The following RPH3A variants were observed in gnomAD, a reference collection of about 807,000 sequenced individuals.
RPH3A encodes rabphilin-3A.
Under a neutral mutation model 102.2 loss-of-function variants are expected in RPH3A, and 48 were observed. That is an observed-to-expected ratio of 0.47 (90% CI 0.37 to 0.60). RPH3A has a LOEUF of 0.60. Ranked by LOEUF, RPH3A falls within the 20% of genes least tolerant of loss-of-function variation. The pLI is 0.00. For missense variants in RPH3A, 781 were observed against 910.1 expected (o/e 0.86, Z 1.83); for synonymous variants, 310 against 324.3 (o/e 0.96, Z 0.47).
intron 2 of RPH3A, among the ~76,000 whole-genome samples, chr12:112,809,402 C>T (rs1382379710): frequency 6.6e-6 from 1 of 152,050 alleles, no homozygotes; most frequent in Admixed American, 6.6e-5. Flanking sequence ...ATTGCAGGCT[C>T]CTCTGTGTGG....
At chr12:112,609,325 C>T (rs996669600) in intron 1 of RPH3A, among the ~76,000 whole-genome samples, 2 of 152,194 alleles carry the variant, frequency 1.3e-5, no homozygotes, top group Admixed American at 6.5e-5. Flanking sequence ...ATCTTAGCCT[C>T]CTCAGTAGCT....
chr12:112,745,548 C>T (rs563489361), intron 1 of RPH3A, among the ~76,000 whole-genome samples: 2 of 152,150 alleles, frequency 1.3e-5, no homozygotes, highest in African/African-American at 4.8e-5. Flanking sequence ...GACATGGACT[C>T]ATGGAGCCAT....
chr12:112,715,058 C>T (rs906300275), intron 1 of RPH3A, among the ~76,000 whole-genome samples: 2 of 152,162 alleles, frequency 1.3e-5, no homozygotes, highest in Admixed American at 6.5e-5. Context: ...CAATTCTTAG[C>T]GTTTGTACTA....
intron 5 of RPH3A, among the ~76,000 whole-genome samples, chr12:112,857,373 A>G (rs781548318): frequency 2.0e-4 from 31 of 152,318 alleles, no homozygotes; most frequent in Middle Eastern, 3.4e-3. Context: ...GGGTCTTTGC[A>G]GCTGTGATAG....
intron 2 of RPH3A, among the ~76,000 whole-genome samples, chr12:112,797,732 C>G (rs949721270): frequency 2.6e-5 from 4 of 151,926 alleles, no homozygotes; most frequent in African/African-American, 7.3e-5. Flanking sequence ...CTCTGTCACC[C>G]AGGCTGGAGT....
At chr12:112,884,554 A>G (rs564065823) in intron 16 of RPH3A, among the ~76,000 whole-genome samples, 23 of 152,260 alleles carry the variant, frequency 1.5e-4, no homozygotes, top group African/African-American at 5.3e-4. Context: ...GCTTTTTTCT[A>G]TTACAAACAA....
intron 1 of RPH3A, among the ~76,000 whole-genome samples, chr12:112,751,816 A>G (rs1230194424): frequency 1.3e-5 from 2 of 152,214 alleles, no homozygotes; most frequent in Non-Finnish European, 2.9e-5. Flanking sequence ...CACTCTTTAA[A>G]TTGGCAAAAA....
intron 19 of RPH3A, among the ~76,000 whole-genome samples, chr12:112,892,598 C>T (rs976372700): frequency 2.6e-5 from 4 of 152,162 alleles, no homozygotes; most frequent in African/African-American, 7.2e-5. Context: ...TTGTGGGAAG[C>T]GTGGCTTCAG....
intron 2 of RPH3A, among the ~76,000 whole-genome samples, chr12:112,805,881 C>A (rs565320211): frequency 4.6e-5 from 7 of 152,146 alleles, no homozygotes; most frequent in African/African-American, 9.7e-5. Flanking sequence ...CCAAATATAA[C>A]CTACAATGTT....
chr12:112,882,116 C>T (rs892166164), intron 15 of RPH3A, among the ~76,000 whole-genome samples: 1 of 152,190 alleles, frequency 6.6e-6, no homozygotes, highest in Admixed American at 6.5e-5. Flanking sequence ...CCTGATGATG[C>T]CCTTCATCTG....
chr12:112,817,141 T>C (rs563872417), intron 2 of RPH3A, among the ~76,000 whole-genome samples: 130 of 152,304 alleles, frequency 8.5e-4, no homozygotes, highest in African/African-American at 3.0e-3. Flanking sequence ...TCTTAGTCTC[T>C]GGATCTTCAA....
chr12:112,590,332 G>A (rs996862299), intron 1 of RPH3A, among the ~76,000 whole-genome samples: 3 of 152,130 alleles, frequency 2.0e-5, no homozygotes, highest in South Asian at 2.1e-4. Context: ...CACCAGCCTC[G>A]GAGACCACCC....
rs1566255170 is a variant in RPH3A, at chr12:112,678,283, A to AGAGAGAG, written c.-140+102964_-140+102965insGAGAGAG. 1.3e-4 allele frequency among the ~76,000 whole-genome samples: 6 copies of AGAGAGAG among 46,886 alleles called. 1 individual carries two copies. Among genetic ancestry groups the AGAGAGAG allele is most frequent in the African/African-American group, 8.2e-4 (6 of 7,302 alleles). The allele number at this position is 46,886 out of a possible 152,430, so 30.8% of individuals were successfully genotyped here. On this transcript the variant is annotated intron_variant, in intron 1 of 21. Coordinates refer to the RPH3A transcript ENST00000543106. ...AAAGAAAGAAAGAAAGAAAGAAAGA[A>AGAGAGAG]AGAAAGAAAGAAAGAAAGAAAGAGA...
At chr12:112,678,557 T>C (rs935896931) in intron 1 of RPH3A, among the ~76,000 whole-genome samples, 8 of 152,156 alleles carry the variant, frequency 5.3e-5, no homozygotes, top group Non-Finnish European at 2.9e-5. Context: ...GAGGGTTTTC[T>C]ATCAGGAAAA....
intron 1 of RPH3A, among the ~76,000 whole-genome samples, chr12:112,656,952 G>T (rs866467028): frequency 6.6e-6 from 1 of 151,886 alleles, no homozygotes; most frequent in Admixed American, 6.6e-5. Flanking sequence ...TTTATTTTTT[G>T]GGGGTAGATA....
chr12:112,751,196 GC>G (rs1188727720), intron 1 of RPH3A, among the ~76,000 whole-genome samples: 5 of 152,196 alleles, frequency 3.3e-5, no homozygotes, highest in African/African-American at 1.2e-4. Flanking sequence ...ACACACACAT[GC>G]TCAGCTTGGG....
chr12:112,890,681 C>A (rs1047534955), intron 18 of RPH3A, among the ~76,000 whole-genome samples, 168 bp from the exon 19 acceptor site: 1 of 152,340 alleles, frequency 6.6e-6, no homozygotes, highest in African/African-American at 2.4e-5. Flanking sequence ...CCTCAACTTT[C>A]ACCTTTGGCT....
At chr12:112,894,682 C>T (rs889448533) in intron 20 of RPH3A, 23 bp downstream of exon 20, 7 of 1,606,384 alleles carry the variant, frequency 4.4e-6, no homozygotes, top group Admixed American at 1.7e-5. Flanking sequence ...TATTCTTTTT[C>T]ATGCTCTGGG....
chr12:112,691,135 T>C (rs2040303782), intron 1 of RPH3A, among the ~76,000 whole-genome samples: 1 of 152,118 alleles, frequency 6.6e-6, no homozygotes, highest in South Asian at 2.1e-4. Context: ...GCCACTTTCC[T>C]GCGTCAGCCT....
Sources: allele counts gnomAD v4.1 joint callset (sites outside exome capture counted in the v4.1 genomes callset), GRCh38; gene constraint gnomAD v4.1.1; transcripts MANE v1.5; gene names NCBI Gene and HGNC (gene_info 2026-07-23, HGNC 2026-07-21).